Variants in FGGY observed in about 807,000 individuals in gnomAD.
FGGY encodes FGGY carbohydrate kinase domain containing.
FGGY carries 72 observed loss-of-function variants against 71.3 expected under a neutral mutation model. The observed-to-expected ratio is 1.01, with a 90% CI of 0.84 to 1.23. The LOEUF (loss-of-function observed/expected upper bound fraction) is 1.23, where lower values mean the gene tolerates loss of function less well. FGGY is among the 50% of genes most tolerant of loss of function. The pLI, the probability that FGGY is intolerant of heterozygous loss-of-function variation, is 0.00. For synonymous variants in FGGY, 251 were observed against 250.3 expected, an observed-to-expected ratio of 1.00 and a Z score of -0.02; for missense variants, 668 against 682.3, an observed-to-expected ratio of 0.98 and a Z score of 0.23.
chr1:59,758,069 A>C, intron 15 of FGGY, 77 bp downstream of exon 15: 1 of 1,046,324 alleles, frequency 9.6e-7, no homozygotes, highest in Non-Finnish European at 1.4e-6. Context: ...TAGATCTGGA[A>C]TAAACTCAGG....
At chr1:59,727,622 C>T (rs994022909) in intron 14 of FGGY, among the ~76,000 whole-genome samples, 1 of 152,072 alleles carries the variant, frequency 6.6e-6, no homozygotes, top group Non-Finnish European at 1.5e-5. Context: ...TTAAAATGGC[C>T]ATACTTCCCA....
chr1:59,696,730 G>A (rs1454972573), intron 14 of FGGY, among the ~76,000 whole-genome samples: 1 of 152,136 alleles, frequency 6.6e-6, no homozygotes, highest in Non-Finnish European at 1.5e-5. Flanking sequence ...AATGACGAGT[G>A]GCTCGCAAAA....
chr1:59,404,021 A>G (rs931113331), intron 5 of FGGY, among the ~76,000 whole-genome samples: 2 of 152,328 alleles, frequency 1.3e-5, no homozygotes, highest in African/African-American at 4.8e-5. Flanking sequence ...TATAATTCAT[A>G]ATGATGATGT....
chr1:59,560,859 G>T (rs2095781365), intron 8 of FGGY, among the ~76,000 whole-genome samples: 1 of 152,180 alleles, frequency 6.6e-6, no homozygotes. Flanking sequence ...TATAGGAAGA[G>T]ATATTTGCAG....
At chr1:59,663,752 A>G (rs1268254273) in intron 12 of FGGY, among the ~76,000 whole-genome samples, 5 of 152,086 alleles carry the variant, frequency 3.3e-5, no homozygotes, top group African/African-American at 1.2e-4. Context: ...ATGTATCTGG[A>G]TGTGCTGATC....
At chr1:59,363,829 C>T (rs114419112) in intron 4 of FGGY, among the ~76,000 whole-genome samples, 79 of 152,246 alleles carry the variant, frequency 5.2e-4, no homozygotes, top group African/African-American at 1.9e-3. Flanking sequence ...TGAGGTTGGA[C>T]CGTTAGGGAT....
intron 8 of FGGY, among the ~76,000 whole-genome samples, chr1:59,566,062 A>C (rs1357398649): frequency 6.6e-6 from 1 of 151,742 alleles, no homozygotes; most frequent in Non-Finnish European, 1.5e-5. Flanking sequence ...TGAAAACCAC[A>C]TTGATTTTTT....
chr1:59,707,654 T>C (rs1320484303), intron 14 of FGGY, among the ~76,000 whole-genome samples: 1 of 152,190 alleles, frequency 6.6e-6, no homozygotes, highest in Non-Finnish European at 1.5e-5. Flanking sequence ...TGTTTGGAGA[T>C]GAATGTTGAA....
intron 14 of FGGY, among the ~76,000 whole-genome samples, chr1:59,680,413 C>A (rs1573079170): frequency 7.1e-6 from 1 of 141,494 alleles, no homozygotes; most frequent in Admixed American, 7.3e-5. Flanking sequence ...CCCTAACATT[C>A]ATTATTCTTA....
chr1:59,753,213 G>A (rs6670202), intron 14 of FGGY, among the ~76,000 whole-genome samples: 9 of 151,956 alleles, frequency 5.9e-5, no homozygotes, highest in Non-Finnish European at 8.8e-5. Flanking sequence ...GCATGTGTCA[G>A]CATTTCCATA....
At chr1:59,561,963 T>C (rs2095798960) in intron 8 of FGGY, among the ~76,000 whole-genome samples, 7 of 151,306 alleles carry the variant, frequency 4.6e-5, no homozygotes, top group Admixed American at 4.6e-4. Flanking sequence ...AAATGCAAAT[T>C]AAAACCACAG....
chr1:59,633,391 AG>A (rs1463837246), intron 10 of FGGY, among the ~76,000 whole-genome samples: 2 of 152,176 alleles, frequency 1.3e-5, no homozygotes, highest in African/African-American at 4.8e-5. Flanking sequence ...TAGAAGACCA[AG>A]GGTCTGTGCT....
chr1:59,464,128 C>A (rs1355846061), intron 6 of FGGY, among the ~76,000 whole-genome samples: 1 of 152,200 alleles, frequency 6.6e-6, no homozygotes, highest in African/African-American at 2.4e-5. Flanking sequence ...AAGCAATCCT[C>A]CGCAAATATG....
rs180813889 is a variant in FGGY, at chr1:59,609,185, C to A, written c.1011+1275C>A. Among the ~76,000 whole-genome samples, 527 of 152,264 alleles carry A rather than the reference C, an allele frequency of 3.5e-3. 2 individuals carry two copies. Among genetic ancestry groups the A allele is most frequent in the Middle Eastern group, 0.034 (10 of 294 alleles). ...ATAACGGCTAATTTGAGGGTAATGG[C>A]AAATAGTCCAGAAGTTCAGCTGTGG... On this transcript the variant is annotated intron_variant, in intron 9 of 15. Transcript: ENST00000303721.
chr1:59,625,863 A>G, intron 9 of FGGY, 125 bp from the exon 10 acceptor site: 1 of 623,598 alleles, frequency 1.6e-6, no homozygotes, highest in South Asian at 4.7e-5. Context: ...TTGGCATTTT[A>G]ATGTTCTTGG....
intron 6 of FGGY, among the ~76,000 whole-genome samples, chr1:59,458,287 T>C (rs2091902888): frequency 6.6e-6 from 1 of 152,202 alleles, no homozygotes; most frequent in Admixed American, 6.5e-5. Flanking sequence ...CACTAGACTG[T>C]GAGCTGTTTG....
chr1:59,639,611 T>A (rs1051842705), intron 11 of FGGY, among the ~76,000 whole-genome samples: 1 of 151,670 alleles, frequency 6.6e-6, no homozygotes, highest in Non-Finnish European at 1.5e-5. Context: ...TTCATATGGG[T>A]ACAGAAATAA....
intron 10 of FGGY, among the ~76,000 whole-genome samples, chr1:59,628,504 T>C (rs1246148259): frequency 6.6e-6 from 1 of 152,136 alleles, no homozygotes; most frequent in Non-Finnish European, 1.5e-5. Flanking sequence ...AGAAAGGACA[T>C]TGGTGGAGGA....
At chr1:59,466,571 C>G (rs1044879104) in intron 6 of FGGY, among the ~76,000 whole-genome samples, 1 of 152,088 alleles carries the variant, frequency 6.6e-6, no homozygotes, top group African/African-American at 2.4e-5. Flanking sequence ...AACAGGCAAC[C>G]TACAGAATGG....
Sources: gnomAD v4.1 joint callset for allele counts (sites outside exome capture counted in the v4.1 genomes callset) on GRCh38, gnomAD v4.1.1 for gene constraint, MANE v1.5 for transcripts, NCBI Gene and HGNC (gene_info 2026-07-23, HGNC 2026-07-21) for gene names.